Variants in GPC5 observed in about 807,000 individuals in gnomAD.
GPC5 encodes glypican-5.
GPC5 carries 47 observed loss-of-function variants against 53.9 expected under a neutral mutation model. The observed-to-expected ratio is 0.87, with a 90% CI of 0.69 to 1.11. The LOEUF is 1.11. GPC5 is among the 50% of genes most tolerant of loss of function. The probability of loss-of-function intolerance (pLI) is 0.00; values close to 1 mark genes in which losing one functional copy is unlikely to be tolerated. For synonymous variants in GPC5, 286 were observed against 263.3 expected, an observed-to-expected ratio of 1.09 and a Z score of -0.84; for missense variants, 748 against 713.1, an observed-to-expected ratio of 1.05 and a Z score of -0.56.
At chr13:91,799,292 G>A (rs2038096647) in intron 5 of GPC5, among the ~76,000 whole-genome samples, 1 of 152,094 alleles carries the variant, frequency 6.6e-6, no homozygotes, top group South Asian at 2.1e-4. Flanking sequence ...GGGTACTCAC[G>A]GACATAAAGA....
chr13:92,267,769 C>T (rs9589473), intron 7 of GPC5, among the ~76,000 whole-genome samples: 1,854 of 152,176 alleles, frequency 0.012, 47 homozygotes, highest in African/African-American at 0.042. Context: ...CACATTGTCA[C>T]ACTGCTTTGA....
intron 6 of GPC5, among the ~76,000 whole-genome samples, chr13:92,002,607 C>T (rs142240019): frequency 4.6e-5 from 7 of 152,150 alleles, no homozygotes; most frequent in African/African-American, 1.7e-4. Flanking sequence ...TGAATAAGCA[C>T]ACAAAAATAG....
chr13:91,656,563 A>AT (rs1251601227), intron 2 of GPC5, among the ~76,000 whole-genome samples: 1 of 152,174 alleles, frequency 6.6e-6, no homozygotes, highest in Non-Finnish European at 1.5e-5. Flanking sequence ...GTTACAAATA[A>AT]TTTTTTAAAA....
intron 6 of GPC5, among the ~76,000 whole-genome samples, chr13:92,057,277 G>A (rs1019115400): frequency 1.3e-5 from 2 of 149,834 alleles, no homozygotes; most frequent in African/African-American, 4.9e-5. Context: ...TGAAGTGACA[G>A]AAATGTGGAA....
At chr13:91,405,397 G>C (rs938104906) in intron 1 of GPC5, among the ~76,000 whole-genome samples, 1 of 152,162 alleles carries the variant, frequency 6.6e-6, no homozygotes, top group East Asian at 1.9e-4. Flanking sequence ...AGACAAACTT[G>C]TCCTCGTTGA....
chr13:92,348,238 TA>T (rs1198092619), intron 7 of GPC5, among the ~76,000 whole-genome samples: 16 of 151,562 alleles, frequency 1.1e-4, no homozygotes, highest in Non-Finnish European at 2.2e-4. Flanking sequence ...CCTTGTATTT[TA>T]GGACACACAC....
intron 7 of GPC5, among the ~76,000 whole-genome samples, chr13:92,858,937 C>A (rs1299401258): frequency 6.6e-6 from 1 of 152,070 alleles, no homozygotes; most frequent in African/African-American, 2.4e-5. Context: ...TACTTTCTTT[C>A]ATGTTTAAAA....
chr13:92,289,242 T>G, intron 7 of GPC5, among the ~76,000 whole-genome samples: 1 of 152,158 alleles, frequency 6.6e-6, no homozygotes, highest in East Asian at 1.9e-4. Flanking sequence ...GGCATTAATT[T>G]TAGAATGTAT....
intron 6 of GPC5, among the ~76,000 whole-genome samples, chr13:92,047,613 C>T (rs974150031): frequency 6.6e-6 from 1 of 151,080 alleles, no homozygotes; most frequent in East Asian, 1.9e-4. Flanking sequence ...TATTATTTTG[C>T]AGTAGTTTTA....
chr13:91,585,566 T>C (rs1281463155), intron 2 of GPC5, among the ~76,000 whole-genome samples: 2 of 152,202 alleles, frequency 1.3e-5, no homozygotes, highest in African/African-American at 2.4e-5. Context: ...ACAGTTAATA[T>C]GCAGCTCAAA....
chr13:92,283,087 CA>C (rs1219304318), intron 7 of GPC5, among the ~76,000 whole-genome samples: 4 of 152,108 alleles, frequency 2.6e-5, no homozygotes, highest in Admixed American at 2.6e-4. Flanking sequence ...GCAGTGGTTG[CA>C]ATCCTGGTCT....
At chr13:92,443,993 C>T (rs1877689456) in intron 7 of GPC5, among the ~76,000 whole-genome samples, 2 of 152,050 alleles carry the variant, frequency 1.3e-5, no homozygotes, top group African/African-American at 4.8e-5. Context: ...CATGTGGGAG[C>T]ATACACCTGG....
chr13:91,995,671 A>G (rs1390531418), intron 6 of GPC5: 1 of 152,230 alleles, frequency 6.6e-6, no homozygotes, highest in Non-Finnish European at 1.5e-5. Context: ...AACATTAGAT[A>G]CTAAACTCAT....
intron 7 of GPC5, among the ~76,000 whole-genome samples, chr13:92,184,278 T>C (rs191696202): frequency 1.3e-5 from 2 of 152,196 alleles, no homozygotes; most frequent in Non-Finnish European, 2.9e-5. Flanking sequence ...AATATCAAAC[T>C]GCTCTAGTTG....
intron 6 of GPC5, among the ~76,000 whole-genome samples, chr13:92,140,159 T>C (rs2138976845): frequency 6.6e-6 from 1 of 152,238 alleles, no homozygotes; most frequent in African/African-American, 2.4e-5. Context: ...GTATTCTATG[T>C]GAAGGAAAAA....
intron 7 of GPC5, among the ~76,000 whole-genome samples, chr13:92,843,437 A>G (rs1878499147): frequency 6.6e-6 from 1 of 152,184 alleles, no homozygotes; most frequent in Non-Finnish European, 1.5e-5. Context: ...GGTCAGTGAG[A>G]GCAAAAGAAA....
chr13:92,479,293 A>G (rs563787685), intron 7 of GPC5, among the ~76,000 whole-genome samples: 45 of 152,294 alleles, frequency 3.0e-4, no homozygotes, highest in African/African-American at 1.1e-3. Context: ...GACTAAGGAG[A>G]TGCAAGGAGA....
At chr13:91,602,939 C>T (rs1192144594) in intron 2 of GPC5, among the ~76,000 whole-genome samples, 4 of 152,192 alleles carry the variant, frequency 2.6e-5, no homozygotes, top group African/African-American at 9.6e-5. Context: ...TGTGCCTTTT[C>T]TCAACTTCCT....
chr13:91,588,026 A>T (rs1030291192), intron 2 of GPC5, among the ~76,000 whole-genome samples: 1 of 152,158 alleles, frequency 6.6e-6, no homozygotes, highest in African/African-American at 2.4e-5. Flanking sequence ...TTAGCTTCAC[A>T]TTGAAACCAC....
Sources: gnomAD v4.1 joint callset for allele counts (sites outside exome capture counted in the v4.1 genomes callset) on GRCh38, gnomAD v4.1.1 for gene constraint, MANE v1.5 for transcripts, NCBI Gene and HGNC (gene_info 2026-07-23, HGNC 2026-07-21) for gene names.